TAFA2: variants seen among roughly 807,000 people sequenced by gnomAD.
The protein encoded by TAFA2 is TAFA chemokine like family member 2.
In TAFA2, 7 loss-of-function variants were observed where a neutral mutation model predicts 18.8. The observed-to-expected ratio is 0.37, with a 90% confidence interval of 0.21 to 0.70. TAFA2 has a LOEUF of 0.70. Ranked by LOEUF, TAFA2 falls within the 30% of genes least tolerant of loss-of-function variation. The pLI is 0.53. For synonymous variants in TAFA2, 60 were observed against 54.2 expected, an observed-to-expected ratio of 1.11 and a Z score of -0.47; for missense variants, 122 against 158.1, an observed-to-expected ratio of 0.77 and a Z score of 1.23.
chr12:61,933,810 C>G (rs1392312689), intron 1 of TAFA2, among the ~76,000 whole-genome samples: 2 of 152,176 alleles, frequency 1.3e-5, no homozygotes, highest in Non-Finnish European at 2.9e-5. Context: ...ATAAGCTAGG[C>G]ATTGTGCTAA....
rs973419359 is a variant in TAFA2 at position 62,049,601 on chromosome 12, T to C, written c.-2+141658A>G. On this transcript the variant is annotated intron_variant, in intron 1 of 4. Transcript: ENST00000416284. ...GAGTTCAGTATGAAGCAGGAGAATA[T>C]GAAAAACCCTTTTTTCATAAAGATT... 3.3e-5 allele frequency among the ~76,000 whole-genome samples: 5 copies of C among 152,188 alleles called. No individual in the cohort carries two copies. The East Asian group carries it at 9.6e-4, about 29-fold the overall frequency.
chr12:62,229,916 T>C (rs1000836000), intron 1 of TAFA2, among the ~76,000 whole-genome samples: 17 of 152,084 alleles, frequency 1.1e-4, no homozygotes, highest in African/African-American at 3.9e-4. Context: ...TATTCATTAC[T>C]GGTGAGTTCT....
At chr12:61,754,287 A>G (rs966370246) in intron 3 of TAFA2, among the ~76,000 whole-genome samples, 2 of 152,134 alleles carry the variant, frequency 1.3e-5, no homozygotes, top group African/African-American at 4.8e-5. Context: ...AATATATTAT[A>G]GTAATATGAG....
At chr12:62,084,613 A>AT (rs1442891560) in intron 1 of TAFA2, among the ~76,000 whole-genome samples, 1 of 152,054 alleles carries the variant, frequency 6.6e-6, no homozygotes, top group African/African-American at 2.4e-5. Flanking sequence ...ACGTCTGCTG[A>AT]TTTTTTCCTT....
intron 1 of TAFA2, among the ~76,000 whole-genome samples, chr12:61,985,760 G>A (rs973164946): frequency 1.3e-5 from 2 of 152,088 alleles, no homozygotes; most frequent in Non-Finnish European, 2.9e-5. Context: ...TATTTCCACG[G>A]AATTATGATT....
chr12:61,735,700 A>C (rs1444833414), intron 4 of TAFA2, among the ~76,000 whole-genome samples: 1 of 151,916 alleles, frequency 6.6e-6, no homozygotes, highest in Non-Finnish European at 1.5e-5. Context: ...TTGACTTGGA[A>C]ATTACACATT....
At chr12:62,011,224 T>A (rs920654677) in intron 1 of TAFA2, among the ~76,000 whole-genome samples, 1 of 152,128 alleles carries the variant, frequency 6.6e-6, no homozygotes, top group African/African-American at 2.4e-5. Flanking sequence ...CCGCCCTGTC[T>A]GGGAAGTGTA....
At chr12:61,903,856 C>T (rs958215627) in intron 1 of TAFA2, among the ~76,000 whole-genome samples, 2 of 151,996 alleles carry the variant, frequency 1.3e-5, no homozygotes, top group African/African-American at 4.8e-5. Context: ...AGAGTAAAAC[C>T]CTCTTCTTTA....
intron 2 of TAFA2, among the ~76,000 whole-genome samples, chr12:61,832,933 T>C (rs1436649689): frequency 1.3e-5 from 2 of 151,224 alleles, no homozygotes; most frequent in South Asian, 2.1e-4. Flanking sequence ...GATTTATTCG[T>C]CAATTCACTC....
chr12:61,786,791 T>C (rs1275316321), intron 2 of TAFA2, among the ~76,000 whole-genome samples: 3 of 151,446 alleles, frequency 2.0e-5, no homozygotes, highest in African/African-American at 7.3e-5. Flanking sequence ...GAGTATAATA[T>C]TAATAGAAGG....
At chr12:62,224,468 C>T (rs1367771590) in intron 1 of TAFA2, among the ~76,000 whole-genome samples, 1 of 151,940 alleles carries the variant, frequency 6.6e-6, no homozygotes, top group African/African-American at 2.4e-5. Flanking sequence ...GTGGAAGGGG[C>T]CAGGGAGCTC....
chr12:62,220,360 C>T (rs968611850), intron 1 of TAFA2, among the ~76,000 whole-genome samples: 3 of 152,134 alleles, frequency 2.0e-5, no homozygotes, highest in Admixed American at 6.5e-5. Context: ...TACCACTACA[C>T]ACCTGTAAGA....
intron 1 of TAFA2, among the ~76,000 whole-genome samples, chr12:61,892,425 C>G (rs974669342): frequency 6.6e-6 from 1 of 152,202 alleles, no homozygotes; most frequent in Admixed American, 6.5e-5. Flanking sequence ...AATGAGCTCA[C>G]TCAGGGCAGG....
chr12:61,835,921 A>G (rs966605282), intron 2 of TAFA2, among the ~76,000 whole-genome samples: 1 of 151,956 alleles, frequency 6.6e-6, no homozygotes, highest in African/African-American at 2.4e-5. Flanking sequence ...TCAGTTCAGC[A>G]GGGGATATAG....
At chr12:61,952,041 C>A (rs531514211) in intron 1 of TAFA2, among the ~76,000 whole-genome samples, 4 of 152,218 alleles carry the variant, frequency 2.6e-5, no homozygotes, top group African/African-American at 7.2e-5. Flanking sequence ...GTGAGGAAAA[C>A]TAATTACCAA....
At chr12:62,085,664 AT>A (rs1868420771) in intron 1 of TAFA2, among the ~76,000 whole-genome samples, 1 of 152,180 alleles carries the variant, frequency 6.6e-6, no homozygotes, top group Non-Finnish European at 1.5e-5. Context: ...TTGAGCAAAT[AT>A]TTCATTGGAA....
chr12:61,886,018 G>A (rs925324518), intron 1 of TAFA2, among the ~76,000 whole-genome samples: 5 of 152,068 alleles, frequency 3.3e-5, no homozygotes, highest in African/African-American at 1.2e-4. Flanking sequence ...TACAATCAAT[G>A]GCACGCACTC....
chr12:62,010,272 G>A (rs1183109477), intron 1 of TAFA2, among the ~76,000 whole-genome samples: 1 of 150,362 alleles, frequency 6.7e-6, no homozygotes, highest in African/African-American at 2.4e-5. Flanking sequence ...CCGGGCTCCC[G>A]TGGTTCTCCT....
At chr12:61,728,059 G>A (rs1171370149) in intron 4 of TAFA2, among the ~76,000 whole-genome samples, 1 of 130,916 alleles carries the variant, frequency 7.6e-6, no homozygotes, top group Non-Finnish European at 1.6e-5. Context: ...CAGTCGATGT[G>A]CAGTTTTATT....
Sources: gnomAD v4.1 joint callset for allele counts (sites outside exome capture counted in the v4.1 genomes callset) on GRCh38, gnomAD v4.1.1 for gene constraint, MANE v1.5 for transcripts, NCBI Gene and HGNC (gene_info 2026-07-23, HGNC 2026-07-21) for gene names.